The following PSD3 variants were observed in gnomAD, a reference collection of about 807,000 sequenced individuals.
PSD3 encodes the protein PH and SEC7 domain-containing protein 3.
PSD3 carries 49 observed loss-of-function variants against 105.5 expected under a neutral mutation model. The ratio of observed to expected loss-of-function variants is 0.46; its 90% CI spans 0.37 to 0.59. PSD3 has a LOEUF of 0.59. PSD3 is among the 20% of genes least tolerant of loss of function. The pLI, the probability that PSD3 is intolerant of heterozygous loss-of-function variation, is 0.00. For synonymous variants in PSD3, 557 were observed against 457.8 expected (o/e 1.22, Z -2.77); for missense variants, 1,561 against 1,263.8 (o/e 1.24, Z -3.57).
chr8:18,792,435 C>T lies in PSD3; in HGVS notation c.2082+6860G>A, dbSNP rs190911381. Reference sequence around the variant, plus strand: ...CAGGGACAGGGATGGAGCCAGAGGTCATTATCCTTAGTAAACTAAGGCAGG... The same window carrying T: ...CAGGGACAGGGATGGAGCCAGAGGTTATTATCCTTAGTAAACTAAGGCAGG... On this transcript the variant is annotated intron_variant, in intron 8 of 15. Transcript: ENST00000327040. Among the ~76,000 whole-genome samples, 68 of 152,218 alleles carry T rather than the reference C, an allele frequency of 4.5e-4. No homozygotes were observed. The East Asian group carries it at 0.011, about 25-fold the overall frequency.
intron 8 of PSD3, among the ~76,000 whole-genome samples, chr8:18,779,006 C>T (rs981910540): frequency 1.1e-4 from 16 of 152,018 alleles, no homozygotes; most frequent in Admixed American, 3.3e-4. Context: ...TCCAATTTTT[C>T]GGAATAGTTT....
chr8:18,692,913 A>C (rs1801049657), intron 9 of PSD3, among the ~76,000 whole-genome samples: 1 of 152,228 alleles, frequency 6.6e-6, no homozygotes, highest in Non-Finnish European at 1.5e-5. Context: ...CTTTAATACC[A>C]AAGCTAAGCT....
intron 12 of PSD3, among the ~76,000 whole-genome samples, chr8:18,585,753 T>C (rs1192290002): frequency 6.6e-6 from 1 of 152,218 alleles, no homozygotes; most frequent in East Asian, 1.9e-4. Flanking sequence ...ACAGGTGTTT[T>C]CATGTATTTA....
intron 4 of PSD3, among the ~76,000 whole-genome samples, chr8:18,864,011 C>CAA (rs368999512): frequency 6.8e-6 from 1 of 147,522 alleles, no homozygotes; most frequent in Non-Finnish European, 1.5e-5. Context: ...ATCCTGTGCT[C>CAA]AAAAAAAAAA....
Position 18,742,668 on chromosome 8 carries a change from C to G in PSD3, c.2172+22781G>C, listed in dbSNP as rs577247474. Among the ~76,000 whole-genome samples the G allele has an allele frequency of 7.2e-5, 11 of 152,272 alleles. No individual in the cohort carries two copies. In the South Asian group the frequency reaches 2.3e-3, roughly 32 times the overall value. ...CAATTGATATCTATCCTATTTTTAA[C>G]TTCAGTCCTGGAGATTACATCACCA... On this transcript the variant is annotated intron_variant, in intron 9 of 15. Transcript: ENST00000327040.
rs562943764 is a variant in PSD3 at position 18,786,282 on chromosome 8, A to G, written c.2082+13013T>C. On this transcript the variant is annotated intron_variant, in intron 8 of 15. Coordinates refer to ENST00000327040, the MANE Select transcript of PSD3 (RefSeq NM_015310.4). ...TTCTTTTGGGAGATTCATGAACAAGATATTTAAAGGCTACAGAGTCAAAAG... is the reference window on the plus strand; with the variant it reads ...TTCTTTTGGGAGATTCATGAACAAGGTATTTAAAGGCTACAGAGTCAAAAG... Among the ~76,000 whole-genome samples, 13 of 152,336 alleles carry G rather than the reference A, an allele frequency of 8.5e-5. No individual in the cohort carries two copies. In the South Asian group the frequency reaches 2.7e-3, roughly 32 times the overall value.
intron 1 of PSD3, among the ~76,000 whole-genome samples, chr8:18,938,006 G>A (rs1462943364): frequency 6.6e-6 from 1 of 152,140 alleles, no homozygotes; most frequent in African/African-American, 2.4e-5. Flanking sequence ...CAAGTGAGTG[G>A]GCAAGTTTAG....
chr8:18,592,211 T>C (rs1803664966), intron 12 of PSD3, among the ~76,000 whole-genome samples: 2 of 152,100 alleles, frequency 1.3e-5, no homozygotes, highest in South Asian at 4.1e-4. Flanking sequence ...TAAATAGATA[T>C]TTTCAAGCTG....
chr8:18,594,852 T>C (rs1803974377), intron 12 of PSD3, among the ~76,000 whole-genome samples: 2 of 152,268 alleles, frequency 1.3e-5, no homozygotes, highest in South Asian at 4.1e-4. Flanking sequence ...ACTCAGCATG[T>C]AGAAAATTCA....
chr8:18,620,604 T>A (rs1013193189), intron 11 of PSD3, among the ~76,000 whole-genome samples: 3 of 151,974 alleles, frequency 2.0e-5, no homozygotes, highest in African/African-American at 7.3e-5. Context: ...AGCTATTCAA[T>A]AGGCTGAGGT....
intron 9 of PSD3, among the ~76,000 whole-genome samples, chr8:18,762,016 A>C (rs1278514429): frequency 6.6e-6 from 1 of 152,176 alleles, no homozygotes. Context: ...CAGGAAATGC[A>C]ATGGAATAAT....
intron 11 of PSD3, among the ~76,000 whole-genome samples, chr8:18,623,254 A>C (rs1397950278): frequency 6.6e-6 from 1 of 152,040 alleles, no homozygotes; most frequent in Non-Finnish European, 1.5e-5. Context: ...GCAGATTTTA[A>C]GAAAAACATC....
chr8:18,822,281 G>A lies in PSD3; in HGVS notation c.1635-17383C>T, dbSNP rs114381464. Among the ~76,000 whole-genome samples, 839 of 152,230 alleles carry A rather than the reference G, an allele frequency of 5.5e-3. 10 individuals carry two copies. The highest frequency in any genetic ancestry group is 0.02 in the Middle Eastern group (6 of 294). ...AAAGAAATATCCTAAGAAGAAGTAT[G>A]ATGCATAGCCCTAAATAAAGTCTGT... On this transcript the variant is annotated intron_variant, in intron 4 of 15. Coordinates refer to ENST00000327040, the MANE Select transcript of PSD3 (RefSeq NM_015310.4).
chr8:19,075,695 C>A (rs569741756), intron 1 of PSD3, among the ~76,000 whole-genome samples: 1 of 152,276 alleles, frequency 6.6e-6, no homozygotes, highest in East Asian at 1.9e-4. Flanking sequence ...ACAGTAATTA[C>A]CCCATTGTAG....
intron 4 of PSD3, among the ~76,000 whole-genome samples, chr8:18,854,890 G>C (rs886542863): frequency 5.9e-5 from 9 of 152,036 alleles, no homozygotes; most frequent in Non-Finnish European, 1.0e-4. Context: ...TTATTGTCCT[G>C]TTGGTTGTCC....
chr8:19,067,647 G>T (rs1829121658), intron 1 of PSD3, among the ~76,000 whole-genome samples: 1 of 152,194 alleles, frequency 6.6e-6, no homozygotes, highest in South Asian at 2.1e-4. Flanking sequence ...GCAGCAAGGG[G>T]TGTCACTCAA....
chr8:18,905,931 G>T (rs923150340), intron 2 of PSD3, among the ~76,000 whole-genome samples: 7 of 152,146 alleles, frequency 4.6e-5, no homozygotes, highest in Non-Finnish European at 4.4e-5. Flanking sequence ...AGTATAAATT[G>T]GTTCTTTGAT....
In PSD3 at chr8:18,531,830, T is replaced by C. The variant is rs551453628; in HGVS notation, c.*3913A>G. On this transcript the variant is annotated 3_prime_UTR_variant, in exon 16 of 16. Transcript: ENST00000327040. ...CTAATTTTACAATTGGAAAAAATTC[T>C]GTCATTTGAAAAGTCAAGGGATGAC... The C allele has an allele frequency of 6.6e-6, 1 of 152,236 alleles. No individual in the cohort carries two copies. Among genetic ancestry groups the C allele is most frequent in the Non-Finnish European group, 1.5e-5 (1 of 68,044 alleles). 9.4% of individuals were successfully genotyped at this position (152,236 alleles called of 1,614,324 possible).
intron 2 of PSD3, among the ~76,000 whole-genome samples, chr8:18,905,768 T>A (rs191880289): frequency 6.6e-5 from 10 of 152,346 alleles, no homozygotes; most frequent in Admixed American, 6.5e-4. Flanking sequence ...AGTCAAAAGG[T>A]ATTCATTATT....
Sources: gnomAD v4.1 joint callset for allele counts (sites outside exome capture counted in the v4.1 genomes callset) on GRCh38, gnomAD v4.1.1 for gene constraint, MANE v1.5 for transcripts, NCBI Gene and HGNC (gene_info 2026-07-23, HGNC 2026-07-21) for gene names.